The following PRKCB variants were observed in gnomAD, a reference collection of about 807,000 sequenced individuals.
The protein encoded by PRKCB is protein kinase C beta type.
PRKCB carries 13 observed loss-of-function variants against 81.5 expected under a neutral mutation model. That is an observed-to-expected ratio of 0.16 (90% CI 0.10 to 0.25). The LOEUF (loss-of-function observed/expected upper bound fraction) is 0.25, where lower values mean the gene tolerates loss of function less well. PRKCB is among the 10% of genes least tolerant of loss of function. PRKCB has a pLI of 1.00. For synonymous variants in PRKCB, 335 were observed against 321.4 expected (o/e 1.04, Z -0.45); for missense variants, 509 against 875.7 (o/e 0.58, Z 5.29).
chr16:24,005,001 G>A (rs913062418), intron 3 of PRKCB, among the ~76,000 whole-genome samples: 1 of 152,132 alleles, frequency 6.6e-6, no homozygotes, highest in Non-Finnish European at 1.5e-5. Context: ...ACAGTCATAT[G>A]GTGGAATGCT....
intron 2 of PRKCB, among the ~76,000 whole-genome samples, chr16:23,943,618 A>G (rs1389378754): frequency 3.3e-5 from 5 of 152,236 alleles, no homozygotes; most frequent in Non-Finnish European, 4.4e-5. Context: ...TTAATAGCTC[A>G]TATAATATAC....
At chr16:24,058,923 TGAATTAAGGAAGTGGAAGGATAAGAATA>T (rs747971592) in intron 5 of PRKCB, among the ~76,000 whole-genome samples, 47,123 of 150,772 alleles carry the variant, frequency 0.31, 8,801 homozygotes, top group African/African-American at 0.53. Flanking sequence ...GAAACATACA[TGAATTAAGGAAGTGGAAGGATAAGAATA>T]AATTGATGTA....
At chr16:24,055,006 C>G (rs1386435835) in intron 5 of PRKCB, among the ~76,000 whole-genome samples, 1 of 152,182 alleles carries the variant, frequency 6.6e-6, no homozygotes, top group Non-Finnish European at 1.5e-5. Flanking sequence ...GCCACAAACC[C>G]GATGGCAGCC....
intron 2 of PRKCB, among the ~76,000 whole-genome samples, chr16:23,982,005 C>T (rs1964729450): frequency 8.2e-6 from 1 of 122,632 alleles, no homozygotes; most frequent in Non-Finnish European, 1.7e-5. Context: ...TTCCCTTCCA[C>T]TTCCCCTTTC....
At chr16:23,871,079 C>G (rs1300037755) in intron 2 of PRKCB, among the ~76,000 whole-genome samples, 1 of 152,192 alleles carries the variant, frequency 6.6e-6, no homozygotes, top group Non-Finnish European at 1.5e-5. Context: ...GCAGGATGAG[C>G]TTTGGAACTG....
chr16:23,929,373 G>C (rs1963940428), intron 2 of PRKCB, among the ~76,000 whole-genome samples: 1 of 152,074 alleles, frequency 6.6e-6, no homozygotes, highest in African/African-American at 2.4e-5. Context: ...GAACCAGATG[G>C]ACCTGGATTT....
chr16:23,851,521 C>T (rs1200908138), intron 2 of PRKCB, among the ~76,000 whole-genome samples: 3 of 152,114 alleles, frequency 2.0e-5, no homozygotes, highest in East Asian at 1.9e-4. Context: ...TCGTGTGATT[C>T]CTCCAGCTTT....
At chr16:24,189,918 T>A (rs992191089) in intron 15 of PRKCB, among the ~76,000 whole-genome samples, 1 of 152,164 alleles carries the variant, frequency 6.6e-6, no homozygotes, top group Non-Finnish European at 1.5e-5. Flanking sequence ...TTTGGACTTG[T>A]ATGCTTCTTT....
chr16:23,901,059 C>T (rs1297346692), intron 2 of PRKCB, among the ~76,000 whole-genome samples: 1 of 152,064 alleles, frequency 6.6e-6, no homozygotes, highest in African/African-American at 2.4e-5. Context: ...ACTTCTGTCT[C>T]TCCCCCACAC....
intron 9 of PRKCB, among the ~76,000 whole-genome samples, chr16:24,140,907 C>T (rs879574638): frequency 6.6e-6 from 1 of 152,276 alleles, no homozygotes; most frequent in East Asian, 1.9e-4. Context: ...GTAAACTATA[C>T]ACTAAATGTT....
At chr16:23,953,345 C>A (rs1258454433) in intron 2 of PRKCB, among the ~76,000 whole-genome samples, 2 of 152,176 alleles carry the variant, frequency 1.3e-5, no homozygotes, top group South Asian at 2.1e-4. Flanking sequence ...AAAATGTGCA[C>A]AATCTGGCTA....
At chr16:24,006,185 A>C (rs1204843932) in intron 3 of PRKCB, among the ~76,000 whole-genome samples, 1 of 152,144 alleles carries the variant, frequency 6.6e-6, no homozygotes, top group Admixed American at 6.5e-5. Flanking sequence ...TTCTGAATCC[A>C]CACAGAAGTT....
intron 16 of PRKCB, among the ~76,000 whole-genome samples, chr16:24,212,950 C>T (rs1968168215): frequency 6.6e-6 from 1 of 152,120 alleles, no homozygotes; most frequent in Non-Finnish European, 1.5e-5. Context: ...TGTCTTCCCG[C>T]TGGCCCCTTC....
chr16:23,906,606 G>A (rs993793229), intron 2 of PRKCB, among the ~76,000 whole-genome samples: 13 of 151,960 alleles, frequency 8.6e-5, no homozygotes, highest in African/African-American at 3.1e-4. Context: ...GATTATAGAG[G>A]AATTCTCCCA....
At chr16:23,869,039 C>T in intron 2 of PRKCB, 1 of 442,984 alleles carries the variant, frequency 2.3e-6, no homozygotes. Flanking sequence ...GTTGTTGTCT[C>T]AATTATTTGC....
intron 3 of PRKCB, among the ~76,000 whole-genome samples, chr16:24,007,226 T>C (rs113792987): frequency 2.6e-5 from 4 of 152,304 alleles, no homozygotes; most frequent in African/African-American, 9.6e-5. Context: ...TTAACCTAGA[T>C]GGTAAGAGCT....
Position 24,101,411 on chromosome 16 carries a change from C to T in PRKCB, c.821+7114C>T, listed in dbSNP as rs149439595. On this transcript the variant is annotated intron_variant, in intron 7 of 16. Transcript: ENST00000643927. ...AAATTTAGCCAGGCATGGCGGCATG[C>T]ACCTGTGCTCCCAGCTACTCAGGAG... Among the ~76,000 whole-genome samples the T allele has an allele frequency of 1.6e-3, 238 of 152,284 alleles. 1 individual carries two copies. Among genetic ancestry groups the T allele is most frequent in the African/African-American group, 5.5e-3 (228 of 41,554 alleles).
At chr16:24,128,129 C>G (rs550372045) in intron 9 of PRKCB, among the ~76,000 whole-genome samples, 9 of 152,024 alleles carry the variant, frequency 5.9e-5, no homozygotes, top group South Asian at 2.1e-4. Flanking sequence ...GTAATCCCAG[C>G]ACTTTGGGAG....
chr16:23,889,913 A>G (rs1351425915), intron 2 of PRKCB, among the ~76,000 whole-genome samples: 3 of 152,084 alleles, frequency 2.0e-5, no homozygotes, highest in African/African-American at 4.8e-5. Context: ...TTTGGCACCT[A>G]TTACTAGCTG....
Sources: gnomAD v4.1 joint callset for allele counts (sites outside exome capture counted in the v4.1 genomes callset) on GRCh38, gnomAD v4.1.1 for gene constraint, MANE v1.5 for transcripts, NCBI Gene and HGNC (gene_info 2026-07-23, HGNC 2026-07-21) for gene names.